Variants in PTPRD observed in about 807,000 individuals in gnomAD.
PTPRD encodes protein tyrosine phosphatase receptor type D, also known as receptor-type tyrosine-protein phosphatase delta.
A neutral mutation model predicts 214.5 loss-of-function variants in PTPRD; 34 were observed. The ratio of observed to expected loss-of-function variants is 0.16; its 90% CI spans 0.12 to 0.21. The LOEUF (loss-of-function observed/expected upper bound fraction) is 0.21, where lower values mean the gene tolerates loss of function less well. PTPRD is among the 10% of genes least tolerant of loss of function. The pLI, the probability that PTPRD is intolerant of heterozygous loss-of-function variation, is 1.00. For synonymous variants in PTPRD, 1,128 were observed against 845.7 expected (o/e 1.33, Z -5.79); for missense variants, 2,545 against 2,398.7 (o/e 1.06, Z -1.27).
intron 3 of PTPRD, among the ~76,000 whole-genome samples, chr9:10,329,942 T>C (rs1198871679): frequency 6.6e-6 from 1 of 151,872 alleles, no homozygotes; most frequent in East Asian, 1.9e-4. Flanking sequence ...CTTTATATTT[T>C]AAATAATACA....
chr9:10,433,509 G>A (rs1371158420), intron 2 of PTPRD, among the ~76,000 whole-genome samples: 1 of 151,884 alleles, frequency 6.6e-6, no homozygotes, highest in Non-Finnish European at 1.5e-5. Context: ...GTATATTACA[G>A]CATTATTATT....
At chr9:10,600,381 C>G (rs1027504263) in intron 2 of PTPRD, among the ~76,000 whole-genome samples, 1 of 151,634 alleles carries the variant, frequency 6.6e-6, no homozygotes, top group Non-Finnish European at 1.5e-5. Flanking sequence ...TTGTACAATG[C>G]GTGCCACAAG....
intron 11 of PTPRD, chr9:8,858,111 T>A: frequency 6.1e-6 from 1 of 164,040 alleles, no homozygotes. Flanking sequence ...CTCCTCCTCC[T>A]CTTCCTCCTC....
At chr9:8,699,870 C>T (rs1231686013) in intron 12 of PTPRD, among the ~76,000 whole-genome samples, 1 of 152,070 alleles carries the variant, frequency 6.6e-6, no homozygotes, top group Non-Finnish European at 1.5e-5. Context: ...GCAAGAGTTT[C>T]CCATTGTGAT....
intron 25 of PTPRD, 116 bp from the exon 26 acceptor site, chr9:8,497,384 G>T: frequency 1.2e-6 from 1 of 807,752 alleles, no homozygotes; most frequent in Non-Finnish European, 1.8e-6. Context: ...ATAAAGCAGT[G>T]TGTACAATAA....
intron 4 of PTPRD, among the ~76,000 whole-genome samples, chr9:10,016,398 CAGAT>C (rs1243199889): frequency 1.9e-5 from 1 of 53,170 alleles, no homozygotes; most frequent in African/African-American, 6.1e-5. Flanking sequence ...GATAGATAGA[CAGAT>C]AGATAGGGAA....
At chr9:9,594,192 A>G (rs1406227269) in intron 7 of PTPRD, among the ~76,000 whole-genome samples, 1 of 152,104 alleles carries the variant, frequency 6.6e-6, no homozygotes, top group African/African-American at 2.4e-5. Context: ...CACATTTCCC[A>G]GGACACACAT....
At chr9:8,349,805 T>C (rs16927608) in intron 39 of PTPRD, among the ~76,000 whole-genome samples, 18,681 of 152,150 alleles carry the variant, frequency 0.12, 2,160 homozygotes, top group African/African-American at 0.31. Context: ...TTGGTCTCTG[T>C]TATCCCTAAA....
At chr9:9,362,604 A>G (rs866458288) in intron 9 of PTPRD, among the ~76,000 whole-genome samples, 3 of 151,296 alleles carry the variant, frequency 2.0e-5, no homozygotes, top group Admixed American at 6.6e-5. Context: ...AAAAAAGGGC[A>G]TACTCTCTGT....
intron 10 of PTPRD, among the ~76,000 whole-genome samples, chr9:9,111,362 G>A (rs953598948): frequency 6.6e-6 from 1 of 150,568 alleles, no homozygotes; most frequent in South Asian, 2.1e-4. Flanking sequence ...AATCCAGTGA[G>A]TCTAAGTCTT....
At chr9:9,931,252 T>C (rs916400679) in intron 5 of PTPRD, among the ~76,000 whole-genome samples, 2 of 152,126 alleles carry the variant, frequency 1.3e-5, no homozygotes, top group Non-Finnish European at 2.9e-5. Context: ...ACAGCTCCGG[T>C]CTACAGCTCC....
At chr9:10,048,510 T>A (rs1207729379) in intron 3 of PTPRD, among the ~76,000 whole-genome samples, 1 of 152,132 alleles carries the variant, frequency 6.6e-6, no homozygotes, top group Non-Finnish European at 1.5e-5. Context: ...ACTGATTCAT[T>A]TTGGTTTCCA....
intron 35 of PTPRD, among the ~76,000 whole-genome samples, chr9:8,405,743 A>C (rs1429679740): frequency 6.6e-6 from 1 of 152,166 alleles, no homozygotes; most frequent in Non-Finnish European, 1.5e-5. Flanking sequence ...ATACCCAGGT[A>C]ATTTTTTTAA....
At chr9:9,794,616 AT>A (rs748687616) in intron 5 of PTPRD, among the ~76,000 whole-genome samples, 6 of 152,138 alleles carry the variant, frequency 3.9e-5, no homozygotes, top group Non-Finnish European at 5.9e-5. Context: ...CATGACTAAC[AT>A]TGTTTGTCGA....
Position 9,819,393 on chromosome 9 carries a change from C to A in PTPRD, c.-367-52542G>T, listed in dbSNP as rs79802651. On this transcript the variant is annotated intron_variant, in intron 5 of 45. Transcript: ENST00000381196. Reference sequence around the variant, plus strand: ...GAGGTTTAATAAGAATTGCACTTTGCAGATTTGATATGATTCACCTTTGGT... The same window carrying A: ...GAGGTTTAATAAGAATTGCACTTTGAAGATTTGATATGATTCACCTTTGGT... Among the ~76,000 whole-genome samples the A allele has an allele frequency of 8.4e-3, 1,283 of 152,278 alleles. 103 individuals carry two copies. The East Asian group carries it at 0.19, about 22-fold the overall frequency.
chr9:8,960,723 A>G (rs1258246952), intron 11 of PTPRD, among the ~76,000 whole-genome samples: 2 of 152,128 alleles, frequency 1.3e-5, no homozygotes, highest in African/African-American at 4.8e-5. Flanking sequence ...TTTCTAGCTT[A>G]ATCCTGACAT....
intron 3 of PTPRD, among the ~76,000 whole-genome samples, chr9:10,310,543 G>C (rs950121970): frequency 6.6e-6 from 1 of 151,728 alleles, no homozygotes; most frequent in African/African-American, 2.4e-5. Context: ...TGTGACAAAA[G>C]AAAGGGAAGA....
chr9:10,233,741 T>G (rs1679538311), intron 3 of PTPRD, among the ~76,000 whole-genome samples: 1 of 151,944 alleles, frequency 6.6e-6, no homozygotes, highest in South Asian at 2.1e-4. Flanking sequence ...AAGATAAATT[T>G]TCATATTCAG....
chr9:8,643,111 T>C (rs2096612776), intron 12 of PTPRD, among the ~76,000 whole-genome samples: 1 of 152,164 alleles, frequency 6.6e-6, no homozygotes, highest in Non-Finnish European at 1.5e-5. Context: ...AAAAATTGTT[T>C]ATGGTATTTC....
Sources: gnomAD v4.1 joint callset for allele counts (sites outside exome capture counted in the v4.1 genomes callset) on GRCh38, gnomAD v4.1.1 for gene constraint, MANE v1.5 for transcripts, NCBI Gene and HGNC (gene_info 2026-07-23, HGNC 2026-07-21) for gene names.